The following DPP10 variants were observed in gnomAD, a reference collection of about 807,000 sequenced individuals.
DPP10 encodes inactive dipeptidyl peptidase 10.
DPP10 carries 33 observed loss-of-function variants against 120.9 expected under a neutral mutation model. The observed-to-expected ratio is 0.27, with a 90% CI of 0.21 to 0.37. DPP10 has a LOEUF of 0.37. Ranked by LOEUF, DPP10 falls within the 10% of genes least tolerant of loss-of-function variation. DPP10 has a pLI of 1.00. For missense variants in DPP10, 816 were observed against 942.8 expected (o/e 0.87, Z 1.76); for synonymous variants, 337 against 326.1 (o/e 1.03, Z -0.36).
intron 19 of DPP10, among the ~76,000 whole-genome samples, chr2:115,806,709 G>A (rs369720024): frequency 7.2e-5 from 11 of 152,024 alleles, no homozygotes; most frequent in African/African-American, 2.4e-4. Flanking sequence ...GCCTCAGTAC[G>A]TACTCACTAC....
chr2:115,269,236 A>T (rs2059590816), intron 1 of DPP10, among the ~76,000 whole-genome samples: 1 of 152,216 alleles, frequency 6.6e-6, no homozygotes, highest in African/African-American at 2.4e-5. Flanking sequence ...TAAACAACTC[A>T]GGATTGGGCA....
chr2:114,519,543 G>GAGGTA (rs916390225), intron 1 of DPP10, among the ~76,000 whole-genome samples: 4 of 152,180 alleles, frequency 2.6e-5, no homozygotes, highest in African/African-American at 9.7e-5. Flanking sequence ...ACCTAAAGAA[G>GAGGTA]GCCAAGCATC....
rs545442955 is a variant in DPP10, at chr2:114,627,306, C to T, written c.60+184468C>T. Among the ~76,000 whole-genome samples, 4 of 152,232 alleles carry T rather than the reference C, an allele frequency of 2.6e-5. No homozygotes were observed. The South Asian group carries it at 6.2e-4, about 24-fold the overall frequency. On this transcript the variant is annotated intron_variant, in intron 1 of 25. Transcript: ENST00000410059. ...CTGAAGTTGTCCTCTGTGACCAGAT[C>T]CATTTCTTCTCAAAATACATTTTTC...
intron 3 of DPP10, among the ~76,000 whole-genome samples, chr2:115,411,504 G>C (rs1490130972): frequency 1.3e-5 from 2 of 152,136 alleles, no homozygotes; most frequent in Non-Finnish European, 2.9e-5. Flanking sequence ...GTATTGAAAG[G>C]GGGAGGGAAA....
At chr2:115,377,224 A>G (rs2065882049) in intron 3 of DPP10, among the ~76,000 whole-genome samples, 1 of 151,274 alleles carries the variant, frequency 6.6e-6, no homozygotes, top group Admixed American at 6.6e-5. Flanking sequence ...TTGTTTCCTG[A>G]CTTTTTAATG....
chr2:115,787,584 T>G (rs188467699), intron 17 of DPP10, among the ~76,000 whole-genome samples: 13 of 152,224 alleles, frequency 8.5e-5, no homozygotes, highest in African/African-American at 2.9e-4. Context: ...AGAACCTAAA[T>G]TAACCATAGG....
chr2:115,618,696 T>C (rs1053164871), intron 5 of DPP10, among the ~76,000 whole-genome samples: 10 of 152,184 alleles, frequency 6.6e-5, no homozygotes, highest in African/African-American at 9.7e-5. Context: ...TAGATTTCCA[T>C]GTACAACTGT....
chr2:115,009,752 G>A (rs1237453678), intron 1 of DPP10, among the ~76,000 whole-genome samples: 1 of 152,100 alleles, frequency 6.6e-6, no homozygotes, highest in African/African-American at 2.4e-5. Flanking sequence ...TTCTGCACAT[G>A]TATCCTACAA....
intron 5 of DPP10, among the ~76,000 whole-genome samples, chr2:115,646,104 G>GCA (rs1389522945): frequency 4.6e-5 from 7 of 151,512 alleles, no homozygotes; most frequent in East Asian, 1.9e-4. Flanking sequence ...GCACGTGCGT[G>GCA]CGCGCACACA....
Position 114,612,675 on chromosome 2 carries a change from G to A in DPP10, c.60+169837G>A, listed in dbSNP as rs116114331. Among the ~76,000 whole-genome samples, 835 of 152,174 alleles carry A rather than the reference G, an allele frequency of 5.5e-3. 9 individuals are homozygous for A. The highest frequency in any genetic ancestry group is 0.019 in the African/African-American group (787 of 41,534). On this transcript the variant is annotated intron_variant, in intron 1 of 25. Transcript: ENST00000410059. ...AATATTAGAAATAAAATAAATCACC[G>A]AAAAACTTGAAGCAAAGTAGTTAGC...
At position 115,286,503 on chromosome 2, in the gene DPP10, TTAC is replaced by T. The variant is rs1386884188; in HGVS notation, c.61-22735_61-22733del. On this transcript the variant is annotated intron_variant, in intron 1 of 25. Coordinates refer to ENST00000410059, the MANE Select transcript of DPP10 (RefSeq NM_020868.6). ...GTAATATATATATAATATATATATA[TTAC>T]ATATATAATATATATATATAATATA... Among the ~76,000 whole-genome samples, 8 of 33,436 alleles carry T rather than the reference TTAC, an allele frequency of 2.4e-4. 1 individual carries two copies. The highest frequency in any genetic ancestry group is 3.8e-4 in the Non-Finnish European group (5 of 12,994). The allele number at this position is 33,436 out of a possible 152,430, so 21.9% of individuals were successfully genotyped here. A position where few individuals can be genotyped will look rare whatever the true frequency, so the allele number is the denominator to read the frequency against.
chr2:115,268,820 A>G (rs945659489), intron 1 of DPP10, among the ~76,000 whole-genome samples: 9 of 152,186 alleles, frequency 5.9e-5, no homozygotes, highest in South Asian at 2.1e-4. Context: ...ATTTTTATCC[A>G]GTGTATTTTA....
At chr2:115,407,022 A>T (rs537408575) in intron 3 of DPP10, among the ~76,000 whole-genome samples, 30 of 151,868 alleles carry the variant, frequency 2.0e-4, no homozygotes, top group East Asian at 5.8e-4. Context: ...GGATGAAAAT[A>T]AAAAAAACCC....
chr2:115,528,566 A>G (rs1400833840), intron 5 of DPP10, among the ~76,000 whole-genome samples: 2 of 152,018 alleles, frequency 1.3e-5, no homozygotes, highest in Admixed American at 1.3e-4. Flanking sequence ...GTATGCAAAT[A>G]TTTGCAGCAG....
rs551005252 is a variant in DPP10, at chr2:115,575,185, A to G, written c.441+49213A>G. Among the ~76,000 whole-genome samples, 11 of 152,364 alleles carry G rather than the reference A, an allele frequency of 7.2e-5. No homozygotes were observed. In the South Asian group the frequency reaches 1.7e-3, roughly 23 times the overall value. ...AAGGCTGAGCAGCTGTACCGAGTGC[A>G]GAGAAATAAGAGTCACCTCAGGCAT... On this transcript the variant is annotated intron_variant, in intron 5 of 25. Transcript: ENST00000410059.
intron 1 of DPP10, among the ~76,000 whole-genome samples, chr2:114,799,107 C>T (rs1683965409): frequency 6.6e-6 from 1 of 151,930 alleles, no homozygotes; most frequent in African/African-American, 2.4e-5. Context: ...CCAGCCTGGG[C>T]AACAAGAGCG....
At chr2:115,028,296 T>A (rs1306415006) in intron 1 of DPP10, among the ~76,000 whole-genome samples, 1 of 152,104 alleles carries the variant, frequency 6.6e-6, no homozygotes, top group Non-Finnish European at 1.5e-5. Context: ...CATCTCCATT[T>A]CCATGTGGTT....
At chr2:114,644,430 ATATCT>A (rs1319588627) in intron 1 of DPP10, among the ~76,000 whole-genome samples, 1 of 151,518 alleles carries the variant, frequency 6.6e-6, no homozygotes. Flanking sequence ...ATCTTTCTAG[ATATCT>A]TATCTCCCTA....
At chr2:114,471,831 G>C (rs963053992) in intron 1 of DPP10, among the ~76,000 whole-genome samples, 2 of 152,192 alleles carry the variant, frequency 1.3e-5, no homozygotes, top group African/African-American at 4.8e-5. Flanking sequence ...CAGTAGGTAA[G>C]AGAAGCACTA....
Sources: allele counts gnomAD v4.1 joint callset (sites outside exome capture counted in the v4.1 genomes callset), GRCh38; gene constraint gnomAD v4.1.1; transcripts MANE v1.5; gene names NCBI Gene and HGNC (gene_info 2026-07-23, HGNC 2026-07-21).